Variants in GNG2 observed in about 807,000 individuals in gnomAD.
The protein encoded by GNG2 is guanine nucleotide-binding protein G(I)/G(S)/G(O) subunit gamma-2.
Under a neutral mutation model 5.5 loss-of-function variants are expected in GNG2, and 5 were observed. That is an observed-to-expected ratio of 0.91 (90% CI 0.48 to 1.92). The LOEUF is 1.92. Ranked by LOEUF, GNG2 falls within the 30% of genes most tolerant of loss-of-function variation. The pLI is 0.01. For missense variants in GNG2, 55 were observed against 88.4 expected, an observed-to-expected ratio of 0.62 and a Z score of 1.52; for synonymous variants, 28 against 32.0, an observed-to-expected ratio of 0.88 and a Z score of 0.42.
chr14:51,955,265 G>A (rs961154353), intron 3 of GNG2, among the ~76,000 whole-genome samples: 1 of 151,934 alleles, frequency 6.6e-6, no homozygotes, highest in East Asian at 1.9e-4. Context: ...CACCTCTCTG[G>A]TTATTCTGGG....
At position 51,966,962 on chromosome 14, in the gene GNG2, G is replaced by GCTCCCC. The variant is rs548691349; in HGVS notation, c.*276_*277insTCCCCC. On this transcript the variant is annotated 3_prime_UTR_variant, in exon 4 of 4. Coordinates refer to ENST00000556766, the MANE Select transcript of GNG2 (RefSeq NM_053064.5). The stretch of plus-strand genomic sequence containing the variant: ...GTCACTTCTTTTCTGCTATCCCCCA[G>GCTCCCC]CCCCCCCCCCAAAATCCTCATGTTT... The GCTCCCC allele has an allele frequency of 1.9e-5, 2 of 106,128 alleles. No individual in the cohort carries two copies. Among genetic ancestry groups the GCTCCCC allele is most frequent in the African/African-American group, 4.2e-5 (1 of 24,062 alleles). 6.6% of individuals were successfully genotyped at this position (106,128 alleles called of 1,614,324 possible).
rs757918989 is a variant in GNG2, at chr14:51,966,603, T to C, written c.132T>C (p.His44=). 6.2e-7 allele frequency: 1 copy of C among 1,613,630 alleles called. No individual in the cohort carries two copies. Among genetic ancestry groups the C allele is most frequent in the Non-Finnish European group, 8.5e-7 (1 of 1,179,560 alleles). ...AADLMAYCEA[H]AKEDPLLTPV... ...ATTTGATGGCCTACTGTGAAGCACA[T>C]GCCAAGGAAGACCCCCTCCTGACCC... The change falls in exon 4 of 4, where the codon CAT becomes CAC. Residue 44 remains histidine, a synonymous_variant. Coordinates refer to ENST00000556766, the MANE Select transcript of GNG2 (RefSeq NM_053064.5).
chr14:51,857,217 G>A (rs1212008214), upstream of GNG2, among the ~76,000 whole-genome samples: 1 of 152,190 alleles, frequency 6.6e-6, no homozygotes, highest in Non-Finnish European at 1.5e-5. Context: ...CACGGCCAGG[G>A]AAGGCTTCTG....
intron 2 of GNG2, among the ~76,000 whole-genome samples, chr14:51,924,699 A>G (rs1050932015): frequency 5.3e-5 from 8 of 152,036 alleles, no homozygotes; most frequent in Non-Finnish European, 8.8e-5. Context: ...ATAGACTGAG[A>G]CACAGTACTA....
chr14:51,870,744 C>G (rs1883242995), intron 1 of GNG2, among the ~76,000 whole-genome samples: 1 of 152,208 alleles, frequency 6.6e-6, no homozygotes, highest in South Asian at 2.1e-4. Flanking sequence ...AGTTCCATTA[C>G]TGTCGCATTC....
intron 2 of GNG2, chr14:51,914,407 T>C: frequency 1.6e-6 from 1 of 623,076 alleles, no homozygotes; most frequent in South Asian, 1.9e-5. Context: ...GAAGGATCCT[T>C]GTGCTAAGGT....
intron 3 of GNG2, among the ~76,000 whole-genome samples, chr14:51,966,070 C>G (rs1310664245): frequency 6.6e-6 from 1 of 151,746 alleles, no homozygotes; most frequent in Non-Finnish European, 1.5e-5. Context: ...ATTAGCCAGG[C>G]ACCATGGCAC....
intron 2 of GNG2, among the ~76,000 whole-genome samples, chr14:51,944,625 G>T (rs563982234): frequency 6.6e-6 from 1 of 152,126 alleles, no homozygotes; most frequent in African/African-American, 2.4e-5. Flanking sequence ...GAAGTTGGCC[G>T]TAACACTGTG....
upstream of GNG2, among the ~76,000 whole-genome samples, chr14:51,859,239 C>G (rs1345931477): frequency 6.6e-6 from 1 of 152,112 alleles, no homozygotes; most frequent in Non-Finnish European, 1.5e-5. Context: ...GTTTTTAACT[C>G]CATAATGTTG....
intron 3 of GNG2, among the ~76,000 whole-genome samples, chr14:51,950,986 C>CA (rs199953581): frequency 0.012 from 1,719 of 148,890 alleles, 37 homozygotes; most frequent in African/African-American, 0.039. Flanking sequence ...CAACACAACA[C>CA]AAAAAAAAAA....
intron 2 of GNG2, among the ~76,000 whole-genome samples, chr14:51,851,331 T>C (rs903169637): frequency 1.3e-5 from 2 of 152,266 alleles, no homozygotes; most frequent in African/African-American, 4.8e-5. Flanking sequence ...TCATTGTAAA[T>C]GCTTTGATCA....
chr14:51,940,890 T>C (rs923677133), intron 2 of GNG2, among the ~76,000 whole-genome samples: 6 of 152,186 alleles, frequency 3.9e-5, no homozygotes, highest in Admixed American at 1.3e-4. Context: ...AATTATTACT[T>C]GATTCACAAT....
At chr14:51,900,080 G>A (rs1286415577) in intron 2 of GNG2, among the ~76,000 whole-genome samples, 2 of 152,120 alleles carry the variant, frequency 1.3e-5, no homozygotes, top group Admixed American at 6.5e-5. Flanking sequence ...TTTTAAGGAA[G>A]CATCATACTG....
At chr14:51,960,440 C>CTA (rs1279343842) in intron 3 of GNG2, among the ~76,000 whole-genome samples, 7 of 149,950 alleles carry the variant, frequency 4.7e-5, no homozygotes, top group Non-Finnish European at 1.0e-4. Context: ...ATATTCGTGT[C>CTA]TATAAATCTG....
chr14:51,827,560 A>C (rs1392625176), intron 1 of GNG2: 2 of 598,542 alleles, frequency 3.3e-6, no homozygotes, highest in Non-Finnish European at 5.9e-6. Context: ...TTTTGATGTC[A>C]TACAGTTCCA....
At position 51,968,050 on chromosome 14, in the gene GNG2, AC is replaced by A. The variant is rs1375914385; in HGVS notation, c.*1364del. 1 of 152,144 alleles carries A rather than the reference AC, an allele frequency of 6.6e-6. No homozygotes were observed. Among genetic ancestry groups the A allele is most frequent in the Non-Finnish European group, 1.5e-5 (1 of 68,028 alleles). 9.4% of individuals were successfully genotyped at this position (152,144 alleles called of 1,614,324 possible). ...TGAGATGGTCTTGGTTTTTCACTTAACAAATTTTTTAATGGAATCTTTGTTT... is the reference window on the plus strand; with the variant it reads ...TGAGATGGTCTTGGTTTTTCACTTAAAAATTTTTTAATGGAATCTTTGTTT... On this transcript the variant is annotated 3_prime_UTR_variant, in exon 4 of 4. Transcript: ENST00000556766.
At chr14:51,960,375 G>C (rs538333787) in intron 3 of GNG2, among the ~76,000 whole-genome samples, 33 of 150,954 alleles carry the variant, frequency 2.2e-4, no homozygotes. Flanking sequence ...ATCATGTGTT[G>C]ATTTATTCTA....
At chr14:51,878,804 C>T (rs921260800) in intron 2 of GNG2, among the ~76,000 whole-genome samples, 16 of 152,164 alleles carry the variant, frequency 1.1e-4, no homozygotes, top group Admixed American at 7.9e-4. Context: ...ATTTAAGTAC[C>T]TAATGTCTTT....
intron 2 of GNG2, 50 bp downstream of exon 2, chr14:51,877,707 T>A (rs1227685216): frequency 6.8e-6 from 3 of 441,848 alleles, no homozygotes; most frequent in Admixed American, 5.1e-5. Flanking sequence ...TAACCAGAAC[T>A]TAAAGAGGAA....
Sources: allele counts gnomAD v4.1 joint callset (sites outside exome capture counted in the v4.1 genomes callset), GRCh38; gene constraint gnomAD v4.1.1; transcripts MANE v1.5; gene names NCBI Gene and HGNC (gene_info 2026-07-23, HGNC 2026-07-21).